The following ABTB3 variants were observed in gnomAD, a reference collection of about 807,000 sequenced individuals.
ABTB3 encodes the protein ankyrin repeat and BTB domain containing 3, also known as ankyrin repeat- and BTB/POZ domain-containing protein 3.
chr12:107,568,706 T>C, the ABTB3 span, among the ~76,000 whole-genome samples: 2 of 152,248 alleles, frequency 1.3e-5, no homozygotes, highest in Non-Finnish European at 2.9e-5. Flanking sequence ...CGTGGGCTTT[T>C]TCCCCTAGCT....
chr12:107,621,262 C>T, the ABTB3 span, among the ~76,000 whole-genome samples: 1 of 152,058 alleles, frequency 6.6e-6, no homozygotes, highest in African/African-American at 2.4e-5. Context: ...ACCAGGACCC[C>T]AAATGGGAGC....
At chr12:107,390,804 A>G in the ABTB3 span, among the ~76,000 whole-genome samples, 1 of 152,214 alleles carries the variant, frequency 6.6e-6, no homozygotes, top group East Asian at 1.9e-4. Context: ...AGTTTAACTT[A>G]CATAACACAT....
At chr12:107,514,557 A>G in the ABTB3 span, among the ~76,000 whole-genome samples, 49 of 152,296 alleles carry the variant, frequency 3.2e-4, no homozygotes, top group East Asian at 8.7e-3. Flanking sequence ...CTTGACCCCA[A>G]TAGTGGAAAT....
chr12:107,359,254 G>T, the ABTB3 span, among the ~76,000 whole-genome samples: 1 of 152,228 alleles, frequency 6.6e-6, no homozygotes, highest in African/African-American at 2.4e-5. Context: ...TGACTGTCAG[G>T]GTGGAGAGAC....
At chr12:107,318,568 C>T in the ABTB3 span, 1 of 176,230 alleles carries the variant, frequency 5.7e-6, no homozygotes, top group Non-Finnish European at 1.2e-5. Flanking sequence ...TGGTCTCAGT[C>T]CCACGAACAC....
At chr12:107,565,025 T>C in the ABTB3 span, among the ~76,000 whole-genome samples, 1 of 152,150 alleles carries the variant, frequency 6.6e-6, no homozygotes, top group Non-Finnish European at 1.5e-5. Flanking sequence ...TGTATATAAC[T>C]AGATTTGAGC....
At chr12:107,335,998 C>T in the ABTB3 span, among the ~76,000 whole-genome samples, 1 of 152,164 alleles carries the variant, frequency 6.6e-6, no homozygotes, top group African/African-American at 2.4e-5. Context: ...TGCAATTCTG[C>T]TCCCTCCCCA....
At chr12:107,534,607 G>A in the ABTB3 span, among the ~76,000 whole-genome samples, 1 of 152,016 alleles carries the variant, frequency 6.6e-6, no homozygotes, top group Non-Finnish European at 1.5e-5. Flanking sequence ...AAAAAAGGAG[G>A]CATTACAACT....
chr12:107,611,879 A>T, the ABTB3 span, among the ~76,000 whole-genome samples: 2 of 152,208 alleles, frequency 1.3e-5, no homozygotes, highest in African/African-American at 4.8e-5. Context: ...ATCCTTTGTT[A>T]TAATGTGATA....
the ABTB3 span, among the ~76,000 whole-genome samples, chr12:107,379,808 A>AG: frequency 1.3e-5 from 2 of 152,236 alleles, no homozygotes; most frequent in Non-Finnish European, 2.9e-5. Context: ...AACAAGGGTC[A>AG]GTTGGACAAG....
At chr12:107,506,710 G>T in the ABTB3 span, among the ~76,000 whole-genome samples, 2 of 152,204 alleles carry the variant, frequency 1.3e-5, no homozygotes, top group African/African-American at 4.8e-5. Flanking sequence ...ATGTGTGTTT[G>T]TCCTCCCAGC....
At chr12:107,443,310 G>A in the ABTB3 span, among the ~76,000 whole-genome samples, 932 of 151,964 alleles carry the variant, frequency 6.1e-3, 11 homozygotes, top group African/African-American at 0.021. Context: ...GCTCACGGCT[G>A]TAATCCCAGC....
chr12:107,554,961 T>C, the ABTB3 span, among the ~76,000 whole-genome samples: 2 of 152,204 alleles, frequency 1.3e-5, no homozygotes, highest in African/African-American at 4.8e-5. Flanking sequence ...CTTTGGGGGC[T>C]GGAGTGAGCC....
At chr12:107,521,033 G>A in the ABTB3 span, among the ~76,000 whole-genome samples, 3 of 152,174 alleles carry the variant, frequency 2.0e-5, no homozygotes, top group Admixed American at 2.0e-4. Context: ...GTTTATCTGG[G>A]AATAGGCCTT....
At chr12:107,628,893 A>G in the ABTB3 span, among the ~76,000 whole-genome samples, 1 of 151,870 alleles carries the variant, frequency 6.6e-6, no homozygotes, top group Non-Finnish European at 1.5e-5. Flanking sequence ...CAGAACTAGG[A>G]CCCCCTCCAT....
the ABTB3 span, among the ~76,000 whole-genome samples, chr12:107,340,849 G>A: frequency 2.0e-5 from 3 of 152,180 alleles, no homozygotes; most frequent in African/African-American, 7.2e-5. Flanking sequence ...TCGAAAATTT[G>A]CCAAATGCTT....
At chr12:107,389,196 A>G in the ABTB3 span, among the ~76,000 whole-genome samples, 1 of 152,234 alleles carries the variant, frequency 6.6e-6, no homozygotes, top group Non-Finnish European at 1.5e-5. Flanking sequence ...AATTTGCAAC[A>G]ATGTTTAAGA....
At chr12:107,524,488 C>T in the ABTB3 span, among the ~76,000 whole-genome samples, 39 of 152,230 alleles carry the variant, frequency 2.6e-4, no homozygotes, top group African/African-American at 9.1e-4. Context: ...AACAGGGACA[C>T]GTCTGGCCAG....
At chr12:107,506,533 TA>T in the ABTB3 span, among the ~76,000 whole-genome samples, 1 of 147,386 alleles carries the variant, frequency 6.8e-6, no homozygotes, top group Non-Finnish European at 1.5e-5. Flanking sequence ...AAACAGATGT[TA>T]ATAACCATGA....
Sources: gnomAD v4.1 joint callset for allele counts (sites outside exome capture counted in the v4.1 genomes callset) on GRCh38, gnomAD v4.1.1 for gene constraint, MANE v1.5 for transcripts, NCBI Gene and HGNC (gene_info 2026-07-23, HGNC 2026-07-21) for gene names.